MYRIP: variants seen among roughly 807,000 people sequenced by gnomAD.
MYRIP encodes the protein rab effector MyRIP.
In MYRIP, 49 loss-of-function variants were observed where a neutral mutation model predicts 98.0. That is an observed-to-expected ratio of 0.50 (90% confidence interval 0.40 to 0.63). The LOEUF (loss-of-function observed/expected upper bound fraction) is 0.63. Among genes scored for constraint, MYRIP ranks in the 30% least tolerant of loss-of-function variants. MYRIP has a pLI of 0.00. For missense variants in MYRIP, 1,004 were observed against 1,058.2 expected, an observed-to-expected ratio of 0.95 and a Z score of 0.71; for synonymous variants, 404 against 409.5, an observed-to-expected ratio of 0.99 and a Z score of 0.16.
chr3:39,884,180 TA>T (rs796092347), intron 1 of MYRIP, among the ~76,000 whole-genome samples: 61 of 152,240 alleles, frequency 4.0e-4, no homozygotes, highest in African/African-American at 1.4e-3. Flanking sequence ...CCTAAAGTGC[TA>T]AAAGGAAACA....
At chr3:40,047,902 T>C (rs1419637775) in intron 3 of MYRIP, among the ~76,000 whole-genome samples, 3 of 152,148 alleles carry the variant, frequency 2.0e-5, no homozygotes, top group Non-Finnish European at 4.4e-5. Context: ...CCCATCAACA[T>C]TACACAAGTG....
intron 2 of MYRIP, among the ~76,000 whole-genome samples, chr3:39,974,665 A>G (rs1386153466): frequency 2.0e-5 from 3 of 152,210 alleles, no homozygotes; most frequent in African/African-American, 7.2e-5. Context: ...ATACTGGCAA[A>G]CCAAATCCAG....
chr3:39,978,845 C>T (rs1252235953), intron 2 of MYRIP, among the ~76,000 whole-genome samples: 1 of 151,018 alleles, frequency 6.6e-6, no homozygotes, highest in Non-Finnish European at 1.5e-5. Flanking sequence ...TTAAATGTCA[C>T]CAGAATATAT....
At chr3:40,057,801 A>G (rs1339941945) in intron 3 of MYRIP, among the ~76,000 whole-genome samples, 2 of 152,218 alleles carry the variant, frequency 1.3e-5, no homozygotes, top group Non-Finnish European at 2.9e-5. Context: ...ATATCCATGC[A>G]TTAAGTTCAT....
chr3:39,994,406 C>T (rs1335530710), intron 2 of MYRIP, among the ~76,000 whole-genome samples: 4 of 152,238 alleles, frequency 2.6e-5, no homozygotes, highest in Admixed American at 6.5e-5. Context: ...GTGCCTGGCT[C>T]GGAGGGTCCT....
intron 1 of MYRIP, among the ~76,000 whole-genome samples, chr3:39,867,845 C>T (rs563634534): frequency 2.5e-4 from 38 of 152,298 alleles, no homozygotes; most frequent in African/African-American, 9.1e-4. Flanking sequence ...CATATCTGCA[C>T]CTCCATGTTC....
chr3:39,959,835 T>C lies in MYRIP; in HGVS notation c.110+58909T>C, dbSNP rs185157334. 4.1e-4 allele frequency among the ~76,000 whole-genome samples: 63 copies of C among 152,284 alleles called. No individual in the cohort carries two copies. The East Asian group carries it at 9.9e-3, about 24-fold the overall frequency. The stretch of plus-strand genomic sequence containing the variant: ...ACCGAAGCAGAGTTCAACAGATTTA[T>C]ATCCGGAATCGTTTTTCTTCTGAAT... On this transcript the variant is annotated intron_variant, in intron 2 of 16. Coordinates refer to ENST00000302541, the MANE Select transcript of MYRIP (RefSeq NM_015460.4).
intron 2 of MYRIP, among the ~76,000 whole-genome samples, chr3:40,031,763 A>G (rs1278574562): frequency 6.6e-6 from 1 of 152,042 alleles, no homozygotes; most frequent in Non-Finnish European, 1.5e-5. Flanking sequence ...TAGATTTTCT[A>G]GTTTATTTGC....
chr3:40,219,531 G>C (rs993695591), intron 11 of MYRIP, among the ~76,000 whole-genome samples: 1 of 151,486 alleles, frequency 6.6e-6, no homozygotes, highest in African/African-American at 2.4e-5. Flanking sequence ...TCCCCTTCCT[G>C]TGTCCATGTG....
At chr3:40,022,812 T>C (rs754408734) in intron 2 of MYRIP, among the ~76,000 whole-genome samples, 5 of 152,180 alleles carry the variant, frequency 3.3e-5, no homozygotes, top group African/African-American at 9.7e-5. Context: ...ATAGAAGTTA[T>C]GCTCTTTAGG....
chr3:40,070,679 A>G (rs1575512625), intron 3 of MYRIP, among the ~76,000 whole-genome samples: 1 of 152,116 alleles, frequency 6.6e-6, no homozygotes, highest in African/African-American at 2.4e-5. Context: ...CCTCATGAGA[A>G]TCTAATGCCT....
chr3:40,226,425 C>T (rs545946259), intron 11 of MYRIP, among the ~76,000 whole-genome samples: 7 of 152,300 alleles, frequency 4.6e-5, no homozygotes, highest in African/African-American at 1.7e-4. Flanking sequence ...TTTATCCCTA[C>T]TATGGCTGCC....
chr3:39,948,279 T>A (rs1403450359), intron 2 of MYRIP, among the ~76,000 whole-genome samples: 1 of 152,080 alleles, frequency 6.6e-6, no homozygotes, highest in African/African-American at 2.4e-5. Flanking sequence ...ACTCAAAAAA[T>A]TTTTAAAGAG....
intron 10 of MYRIP, among the ~76,000 whole-genome samples, chr3:40,196,050 C>A (rs950710302): frequency 1.3e-5 from 2 of 152,000 alleles, no homozygotes; most frequent in East Asian, 1.9e-4. Flanking sequence ...AAAAAAATTT[C>A]TCTGCACTAT....
intron 2 of MYRIP, among the ~76,000 whole-genome samples, chr3:39,943,507 A>AT (rs1944835951): frequency 6.6e-6 from 1 of 152,004 alleles, no homozygotes; most frequent in South Asian, 2.1e-4. Context: ...ATGACTCCAT[A>AT]TGCTGTGGTG....
chr3:39,826,543 T>A (rs1294630271), intron 1 of MYRIP, among the ~76,000 whole-genome samples: 1 of 152,168 alleles, frequency 6.6e-6, no homozygotes, highest in African/African-American at 2.4e-5. Flanking sequence ...TTTTAAAAAA[T>A]TTTTTGAGAC....
chr3:40,213,216 C>T (rs1952014551), intron 11 of MYRIP, among the ~76,000 whole-genome samples: 1 of 152,132 alleles, frequency 6.6e-6, no homozygotes, highest in Non-Finnish European at 1.5e-5. Flanking sequence ...AGGACCCAGT[C>T]CAGGTTTTCA....
chr3:39,958,010 G>A (rs562306667), intron 2 of MYRIP, among the ~76,000 whole-genome samples: 2 of 152,000 alleles, frequency 1.3e-5, no homozygotes, highest in African/African-American at 4.8e-5. Context: ...CTACAAACCA[G>A]TGCTCCACGA....
At chr3:39,921,997 G>A (rs1370603305) in intron 2 of MYRIP, among the ~76,000 whole-genome samples, 1 of 152,014 alleles carries the variant, frequency 6.6e-6, no homozygotes, top group African/African-American at 2.4e-5. Context: ...AACCCTGGGG[G>A]CTCACCATAT....
Sources: allele counts gnomAD v4.1 joint callset (sites outside exome capture counted in the v4.1 genomes callset), GRCh38; gene constraint gnomAD v4.1.1; transcripts MANE v1.5; gene names NCBI Gene and HGNC (gene_info 2026-07-23, HGNC 2026-07-21).